The following MEF2D variants were observed in gnomAD, a reference collection of about 807,000 sequenced individuals.
The protein encoded by MEF2D is myocyte enhancer factor 2D.
In MEF2D, 10 loss-of-function variants were observed where a neutral mutation model predicts 59.3. That is an observed-to-expected ratio of 0.17 (90% CI 0.10 to 0.29). MEF2D has a LOEUF of 0.29. MEF2D is among the 10% of genes least tolerant of loss of function. The pLI, the probability that MEF2D is intolerant of heterozygous loss-of-function variation, is 1.00. For missense variants in MEF2D, 508 were observed against 699.4 expected, an observed-to-expected ratio of 0.73 and a Z score of 3.09; for synonymous variants, 305 against 295.0, an observed-to-expected ratio of 1.03 and a Z score of -0.35.
chr1:156,489,046 AGCAGAT>A (rs1261601852), intron 1 of MEF2D, among the ~76,000 whole-genome samples: 1 of 152,212 alleles, frequency 6.6e-6, no homozygotes, highest in African/African-American at 2.4e-5. Flanking sequence ...GTCAAAAGGG[AGCAGAT>A]GCCCAGAGAA....
rs1021809498 is a variant in MEF2D, at chr1:156,464,391, C to A, written c.*3254G>T. ...GGCTGGGAGGGGGTCAGGGGTCAGT[C>A]TTGCTGCACTGAGTGTGCTGTTGAG... On this transcript the variant is annotated 3_prime_UTR_variant, in exon 12 of 12. Transcript: ENST00000348159. The A allele has an allele frequency of 6.4e-5, 9 of 140,896 alleles. No individual in the cohort carries two copies. Among genetic ancestry groups the A allele is most frequent in the African/African-American group, 2.5e-4 (9 of 36,570 alleles). The allele number at this position is 140,896 out of a possible 1,614,324, so 8.7% of individuals were successfully genotyped here.
At chr1:156,477,588 A>G (rs1384975933) in intron 6 of MEF2D, among the ~76,000 whole-genome samples, 2 of 152,204 alleles carry the variant, frequency 1.3e-5, no homozygotes, top group African/African-American at 2.4e-5. Flanking sequence ...CAGGAAGTCC[A>G]GCATTTTTAG....
At chr1:156,487,940 G>A (rs918559693) in intron 1 of MEF2D, among the ~76,000 whole-genome samples, 1 of 152,236 alleles carries the variant, frequency 6.6e-6, no homozygotes, top group Non-Finnish European at 1.5e-5. Context: ...CAGGGCTTGG[G>A]AGGACTTGGG....
intron 9 of MEF2D, among the ~76,000 whole-genome samples, chr1:156,473,083 T>A (rs576025652): frequency 6.6e-6 from 1 of 151,396 alleles, no homozygotes; most frequent in South Asian, 2.1e-4. Context: ...AGTGGTGCAA[T>A]CTCGGCTCAT....
At chr1:156,498,746 G>C (rs1673297537) in intron 1 of MEF2D, among the ~76,000 whole-genome samples, 2 of 152,086 alleles carry the variant, frequency 1.3e-5, no homozygotes, top group Admixed American at 1.3e-4. Context: ...TAATCACTGA[G>C]ACCCAAAGGT....
At chr1:156,489,384 G>A (rs1672599308) in intron 1 of MEF2D, among the ~76,000 whole-genome samples, 1 of 152,158 alleles carries the variant, frequency 6.6e-6, no homozygotes, top group South Asian at 2.1e-4. Context: ...AGGCGTGGGT[G>A]AGGCAGACAC....
chr1:156,472,054 C>A (rs1361598463), intron 9 of MEF2D, among the ~76,000 whole-genome samples: 1 of 152,222 alleles, frequency 6.6e-6, no homozygotes, highest in Non-Finnish European at 1.5e-5. Context: ...AACTTTCCTC[C>A]TGCTTCACAA....
At chr1:156,475,056 T>C (rs965408337) in intron 9 of MEF2D, 52 bp downstream of exon 9, 25 of 1,612,026 alleles carry the variant, frequency 1.6e-5, no homozygotes, top group Non-Finnish European at 2.0e-5. Flanking sequence ...GTCTGGTCAC[T>C]TGCCTGCCCC....
intron 1 of MEF2D, among the ~76,000 whole-genome samples, chr1:156,487,010 G>A (rs1349714697): frequency 6.6e-6 from 1 of 152,120 alleles, no homozygotes; most frequent in Non-Finnish European, 1.5e-5. Flanking sequence ...ACCACCCCTG[G>A]TATCCCAGTC....
chr1:156,476,980 A>G (rs1671655303), intron 7 of MEF2D, 32 bp downstream of exon 7: 1 of 1,611,834 alleles, frequency 6.2e-7, no homozygotes, highest in Non-Finnish European at 8.5e-7. Context: ...TCCATTCCCC[A>G]GCCCCCACCC....
At chr1:156,484,589 G>A (rs1370087748) in intron 1 of MEF2D, among the ~76,000 whole-genome samples, 1 of 152,200 alleles carries the variant, frequency 6.6e-6, no homozygotes, top group Non-Finnish European at 1.5e-5. Flanking sequence ...AGAAAATACA[G>A]GAACAAATGA....
chr1:156,479,529 C>T, intron 5 of MEF2D, 57 bp downstream of exon 5: 2 of 1,540,066 alleles, frequency 1.3e-6, no homozygotes, highest in Non-Finnish European at 1.8e-6. Flanking sequence ...AATGGAATCC[C>T]AAAGTCCCCA....
chr1:156,480,319 C>A (rs150690384), intron 4 of MEF2D, among the ~76,000 whole-genome samples: 4 of 152,156 alleles, frequency 2.6e-5, no homozygotes, highest in African/African-American at 9.7e-5. Flanking sequence ...GTTGGGCTAT[C>A]AGAGCAAGCC....
intron 1 of MEF2D, among the ~76,000 whole-genome samples, chr1:156,485,474 C>T (rs1055467851): frequency 6.6e-6 from 1 of 151,570 alleles, no homozygotes; most frequent in Admixed American, 6.6e-5. Context: ...GAAAACAATG[C>T]AGATAAATGC....
chr1:156,496,367 C>A (rs1380892059), intron 1 of MEF2D, among the ~76,000 whole-genome samples: 1 of 152,036 alleles, frequency 6.6e-6, no homozygotes, highest in African/African-American at 2.4e-5. Flanking sequence ...AAGCTGGGGC[C>A]CAAGAGGAGG....
Sources: gnomAD v4.1 joint callset for allele counts (sites outside exome capture counted in the v4.1 genomes callset) on GRCh38, gnomAD v4.1.1 for gene constraint, MANE v1.5 for transcripts, NCBI Gene and HGNC (gene_info 2026-07-23, HGNC 2026-07-21) for gene names.